Variants in IBTK observed in about 807,000 individuals in gnomAD.
The protein encoded by IBTK is BTK-binding protein.
In IBTK, 83 loss-of-function variants were observed where a neutral mutation model predicts 154.9. That is an observed-to-expected ratio of 0.54 (90% CI 0.45 to 0.64). The LOEUF is 0.64. Among genes scored for constraint, IBTK ranks in the 30% least tolerant of loss-of-function variants. The probability of loss-of-function intolerance (pLI) is 0.00; values close to 1 mark genes in which losing one functional copy is unlikely to be tolerated. For synonymous variants in IBTK, 515 were observed against 536.1 expected (o/e 0.96, Z 0.54); for missense variants, 1,332 against 1,584.6 (o/e 0.84, Z 2.71).
chr6:82,239,866 T>C (rs1300933689), intron 2 of IBTK, among the ~76,000 whole-genome samples: 1 of 152,208 alleles, frequency 6.6e-6, no homozygotes, highest in Non-Finnish European at 1.5e-5. Context: ...TGTATAATAC[T>C]CATTAAATGA....
chr6:82,212,107 G>A (rs1423125040), intron 13 of IBTK, among the ~76,000 whole-genome samples: 1 of 151,734 alleles, frequency 6.6e-6, no homozygotes, highest in Non-Finnish European at 1.5e-5. Context: ...TGATTCTCCT[G>A]CCTCAGCCTC....
chr6:82,212,492 C>A (rs775133191), intron 13 of IBTK, among the ~76,000 whole-genome samples: 1 of 151,986 alleles, frequency 6.6e-6, no homozygotes, highest in Non-Finnish European at 1.5e-5. Flanking sequence ...AGAAAGTCAT[C>A]GGAAAGAAAA....
chr6:82,172,020 C>A (rs1041655900), intron 28 of IBTK, among the ~76,000 whole-genome samples: 11 of 152,042 alleles, frequency 7.2e-5, no homozygotes, highest in African/African-American at 2.7e-4. Flanking sequence ...TTAAGTTAGC[C>A]AGAGTGGGCT....
intron 16 of IBTK, among the ~76,000 whole-genome samples, chr6:82,207,810 A>G (rs895828656): frequency 2.6e-4 from 40 of 152,208 alleles, no homozygotes; most frequent in Admixed American, 6.5e-5. Context: ...CAAAGGTGCT[A>G]AAACAATTCA....
At chr6:82,197,393 C>T (rs911243143) in intron 21 of IBTK, among the ~76,000 whole-genome samples, 10 of 83,598 alleles carry the variant, frequency 1.2e-4, no homozygotes, top group Admixed American at 1.1e-3. Context: ...TTTTTTGAGA[C>T]AGAGTCTTAC....
intron 17 of IBTK, among the ~76,000 whole-genome samples, chr6:82,203,074 A>C (rs1769269584): frequency 1.4e-5 from 2 of 146,616 alleles, no homozygotes; most frequent in African/African-American, 5.1e-5. Context: ...AAAACTGATG[A>C]AATAATTCTA....
chr6:82,191,455 T>A (rs950251029), intron 24 of IBTK: 71 of 562,450 alleles, frequency 1.3e-4, no homozygotes, highest in Non-Finnish European at 2.0e-4. Context: ...TAGCTACATA[T>A]GAGCCCTCCA....
chr6:82,241,879 A>G (rs1246252687), intron 1 of IBTK, among the ~76,000 whole-genome samples: 1 of 152,362 alleles, frequency 6.6e-6, no homozygotes, highest in East Asian at 1.9e-4. Flanking sequence ...GAAAGCTTCT[A>G]TGCATCAGAG....
intron 4 of IBTK, among the ~76,000 whole-genome samples, chr6:82,230,902 C>T (rs546854326): frequency 5.4e-4 from 82 of 152,186 alleles, no homozygotes; most frequent in Non-Finnish European, 9.7e-4. Context: ...TAAAATTTTA[C>T]AATTACTTAC....
intron 25 of IBTK, among the ~76,000 whole-genome samples, chr6:82,186,737 TTACCCA>T (rs1470767656): frequency 3.3e-5 from 5 of 152,100 alleles, no homozygotes; most frequent in Admixed American, 2.6e-4. Context: ...AAAATTCAGA[TTACCCA>T]TAACATCTAT....
Position 82,170,526 on chromosome 6 carries a change from T to C in IBTK, c.*899A>G, listed in dbSNP as rs1767897901. The C allele has an allele frequency of 6.6e-6, 1 of 152,220 alleles. No homozygotes were observed. The highest frequency in any genetic ancestry group is 1.5e-5 in the Non-Finnish European group (1 of 68,038). The allele number at this position is 152,220 out of a possible 1,614,324, so 9.4% of individuals were successfully genotyped here. A position where few individuals can be genotyped will look rare whatever the true frequency, so the allele number is the denominator to read the frequency against. On this transcript the variant is annotated 3_prime_UTR_variant, in exon 29 of 29. Coordinates refer to ENST00000306270, the MANE Select transcript of IBTK (RefSeq NM_015525.4). ...ACAGAAAACAATTTTTATGTCTAGATATACAATTGAGGTTCAGAGAACTTC... is the reference window on the plus strand; with the variant it reads ...ACAGAAAACAATTTTTATGTCTAGACATACAATTGAGGTTCAGAGAACTTC...
chr6:82,179,954 T>C (rs1289104297), intron 26 of IBTK, among the ~76,000 whole-genome samples: 3 of 145,232 alleles, frequency 2.1e-5, no homozygotes, highest in Non-Finnish European at 4.6e-5. Flanking sequence ...TGGCCTAAGA[T>C]AGGAGAGATA....
chr6:82,194,545 G>A lies in IBTK; in HGVS notation c.3272C>T (p.Pro1091Leu). ...AATTCTGTTACTGGGAATAGGCTGT[G>A]GAGCAGATATTTTAAGTATTGGTGA... The part of the protein sequence containing the change: ...EKSPILKISA[P>L]QPIPSNRIDT... The change falls in exon 23 of 29, where the codon CCA becomes CTA. Residue 1091 changes from proline (P) to leucine (L), a missense_variant. Physicochemically the swap from Pro to Leu is moderately conservative, Grantham distance 98. Around this residue, in one of 3 missense-constraint regions of IBTK, gnomAD observed 1,134 missense variants for 1,274.7 expected, o/e 0.89. Transcript: ENST00000306270. 6.2e-7 allele frequency: 1 copy of A among 1,611,044 alleles called. No homozygotes were observed. The highest frequency in any genetic ancestry group is 1.7e-5 in the Admixed American group (1 of 59,810).
At chr6:82,228,517 T>C (rs1770376606) in intron 4 of IBTK, among the ~76,000 whole-genome samples, 1 of 152,222 alleles carries the variant, frequency 6.6e-6, no homozygotes, top group Non-Finnish European at 1.5e-5. Context: ...TTTCATTCAA[T>C]TTTATATTAA....
chr6:82,171,888 C>A (rs1767938464), intron 28 of IBTK, among the ~76,000 whole-genome samples: 1 of 152,196 alleles, frequency 6.6e-6, no homozygotes. Flanking sequence ...TACAAGTCTT[C>A]TAAATCTTGC....
intron 2 of IBTK, 101 bp downstream of exon 2, chr6:82,240,065 A>G: frequency 1.0e-6 from 1 of 961,510 alleles, no homozygotes; most frequent in Non-Finnish European, 1.5e-6. Context: ...CAAGCAAGAA[A>G]AAATGCAAAT....
chr6:82,189,068 TA>T (rs1768661781), intron 25 of IBTK: 1 of 437,798 alleles, frequency 2.3e-6, no homozygotes, highest in African/African-American at 2.1e-5. Flanking sequence ...TAGAGAAGCC[TA>T]GGGGGACCAA....
chr6:82,232,716 G>A lies in IBTK; in HGVS notation c.419-874C>T, dbSNP rs965827148. Reference sequence around the variant, plus strand: ...GGGATAAGTGAAACTGAGAATGTGTGAATAAAAAAATAATTGGAGCCGGGC... The same window carrying A: ...GGGATAAGTGAAACTGAGAATGTGTAAATAAAAAAATAATTGGAGCCGGGC... On this transcript the variant is annotated intron_variant, in intron 3 of 28. Transcript: ENST00000306270. Among the ~76,000 whole-genome samples the A allele has an allele frequency of 7.2e-5, 11 of 152,094 alleles. No individual in the cohort carries two copies. In the East Asian group the frequency reaches 2.1e-3, roughly 29 times the overall value.
chr6:82,199,603 C>A (rs1474312863), intron 21 of IBTK, among the ~76,000 whole-genome samples: 1 of 151,992 alleles, frequency 6.6e-6, no homozygotes, highest in Non-Finnish European at 1.5e-5. Flanking sequence ...ATAGTTATCT[C>A]TGTCATGTTT....
Sources: gnomAD v4.1 joint callset for allele counts (sites outside exome capture counted in the v4.1 genomes callset) on GRCh38, gnomAD v4.1.1 for gene constraint, gnomAD v4.1.1 regional missense constraint, MANE v1.5 for transcripts, NCBI Gene and HGNC (gene_info 2026-07-23, HGNC 2026-07-21) for gene names.